The following TSPAN18 variants were observed in gnomAD, a reference collection of about 807,000 sequenced individuals.
TSPAN18 encodes tetraspanin 18.
A neutral mutation model predicts 27.3 loss-of-function variants in TSPAN18; 14 were observed. The observed-to-expected ratio is 0.51, with a 90% CI of 0.34 to 0.80. The LOEUF (loss-of-function observed/expected upper bound fraction) is 0.80. Among genes scored for constraint, TSPAN18 ranks in the 30% least tolerant of loss-of-function variants. The pLI, the probability that TSPAN18 is intolerant of heterozygous loss-of-function variation, is 0.01. For missense variants in TSPAN18, 268 were observed against 323.9 expected (o/e 0.83, Z 1.32); for synonymous variants, 143 against 136.5 (o/e 1.05, Z -0.33).
At position 44,922,644 on chromosome 11, in the gene TSPAN18, G is replaced by A. The variant is rs114939233; in HGVS notation, c.615+2645G>A. Reference sequence around the variant, plus strand: ...AGAAAGGACAGCAGGTAAGACCAGGGTGATGGCGGTAAAGACAGAGAGGTG... The same window carrying A: ...AGAAAGGACAGCAGGTAAGACCAGGATGATGGCGGTAAAGACAGAGAGGTG... On this transcript the variant is annotated intron_variant, in intron 8 of 9. Transcript: ENST00000520358. 8.0e-3 allele frequency among the ~76,000 whole-genome samples: 1,221 copies of A among 152,310 alleles called. 23 individuals are homozygous for A. Among genetic ancestry groups the A allele is most frequent in the African/African-American group, 0.028 (1,146 of 41,558 alleles).
intron 3 of TSPAN18, among the ~76,000 whole-genome samples, chr11:44,864,897 A>G (rs1354462954): frequency 6.6e-6 from 1 of 152,174 alleles, no homozygotes; most frequent in Non-Finnish European, 1.5e-5. Flanking sequence ...CCTTGTGGGT[A>G]TCTCACCCTC....
chr11:44,781,015 G>A (rs922104966), intron 2 of TSPAN18, among the ~76,000 whole-genome samples: 1 of 152,204 alleles, frequency 6.6e-6, no homozygotes, highest in African/African-American at 2.4e-5. Flanking sequence ...AAGAGAAAGC[G>A]GTTGCGAAAG....
At position 44,926,752 on chromosome 11, in the gene TSPAN18, A is replaced by G; in HGVS notation, c.694A>G (p.Ile232Val). The change falls in exon 9 of 10, where the codon ATC becomes GTC. Residue 232 changes from isoleucine (I) to valine (V), a missense_variant. Ile to Val is a conservative substitution (Grantham distance 29). Transcript: ENST00000520358. ...AGALAIGVLA[I>V]ELFAMIFAMC... ...AGCCCTTGCCATCGGGGTACTGGCC[A>G]TCGAGGTAAGTAAAGGCCCCCACTT... 6.2e-7 allele frequency: 1 copy of G among 1,614,128 alleles called. No homozygotes were observed. Among genetic ancestry groups the G allele is most frequent in the Non-Finnish European group, 8.5e-7 (1 of 1,179,980 alleles).
At chr11:44,912,583 GC>G (rs1470067282) in intron 5 of TSPAN18, among the ~76,000 whole-genome samples, 5 of 152,236 alleles carry the variant, frequency 3.3e-5, no homozygotes, top group Admixed American at 6.5e-5. Context: ...AAAATTATAT[GC>G]AAAATGTTAT....
chr11:44,919,794 C>A (rs1237407938), intron 7 of TSPAN18, 23 bp from the exon 8 acceptor site: 1 of 1,613,514 alleles, frequency 6.2e-7, no homozygotes, highest in African/African-American at 1.3e-5. Flanking sequence ...CCCACCAGAA[C>A]CTTCTCTGGG....
At chr11:44,802,199 C>T (rs11605449) in intron 2 of TSPAN18, among the ~76,000 whole-genome samples, 2,440 of 151,868 alleles carry the variant, frequency 0.016, 27 homozygotes, top group Non-Finnish European at 0.026. Context: ...CAGTGGAATA[C>T]GGCAGCCCCT....
chr11:44,785,258 C>G (rs774565428), intron 2 of TSPAN18, among the ~76,000 whole-genome samples: 5 of 152,170 alleles, frequency 3.3e-5, no homozygotes, highest in Non-Finnish European at 5.9e-5. Context: ...TATGCTCTGC[C>G]TGAAGTCACC....
chr11:44,727,399 G>A (rs1854542253), intron 1 of TSPAN18, 112 bp downstream of exon 1: 1 of 152,226 alleles, frequency 6.6e-6, no homozygotes, highest in African/African-American at 2.4e-5. Flanking sequence ...GCGGGGAATT[G>A]GGGTGGAGTA....
chr11:44,791,319 G>A (rs1419121966), intron 2 of TSPAN18, among the ~76,000 whole-genome samples: 1 of 152,178 alleles, frequency 6.6e-6, no homozygotes, highest in African/African-American at 2.4e-5. Flanking sequence ...CACTTTGGGG[G>A]GTAGCCGGGG....
intron 3 of TSPAN18, among the ~76,000 whole-genome samples, chr11:44,873,240 C>A (rs568155701): frequency 6.6e-6 from 1 of 152,320 alleles, no homozygotes; most frequent in African/African-American, 2.4e-5. Flanking sequence ...TCGTGGCAAC[C>A]TGGGGGTTCC....
chr11:44,750,174 A>AT (rs1855178667), intron 1 of TSPAN18, among the ~76,000 whole-genome samples: 2 of 152,224 alleles, frequency 1.3e-5, no homozygotes, highest in South Asian at 4.1e-4. Flanking sequence ...AATTATTTTC[A>AT]TTAGCAGCAT....
intron 5 of TSPAN18, among the ~76,000 whole-genome samples, chr11:44,915,490 G>A (rs2135354519): frequency 6.6e-6 from 1 of 152,278 alleles, no homozygotes; most frequent in South Asian, 2.1e-4. Flanking sequence ...ACTGGTTGGG[G>A]AACTCTGCTC....
chr11:44,895,320 C>G (rs1170550030), intron 3 of TSPAN18, among the ~76,000 whole-genome samples: 1 of 152,212 alleles, frequency 6.6e-6, no homozygotes, highest in Non-Finnish European at 1.5e-5. Context: ...ATAATAATAG[C>G]TCCCATGGTA....
At chr11:44,921,766 A>G (rs1012270688) in intron 8 of TSPAN18, among the ~76,000 whole-genome samples, 7 of 152,160 alleles carry the variant, frequency 4.6e-5, no homozygotes, top group Non-Finnish European at 1.0e-4. Context: ...CCAACAGCCA[A>G]ACTTAGAACC....
Position 44,832,492 on chromosome 11 carries a change from T to A in TSPAN18, c.-152-27836T>A, listed in dbSNP as rs554116262. Among the ~76,000 whole-genome samples the A allele has an allele frequency of 2.4e-4, 36 of 152,292 alleles. 1 individual carries two copies. In the South Asian group the frequency reaches 7.3e-3, roughly 31 times the overall value. On this transcript the variant is annotated intron_variant, in intron 2 of 9. Coordinates refer to ENST00000520358, the MANE Select transcript of TSPAN18 (RefSeq NM_130783.5). ...CAATTCTCTACCCTAGACCCCCAAATTCCACCTTCCTCAGCTCCCAAAGAG... is the reference window on the plus strand; with the variant it reads ...CAATTCTCTACCCTAGACCCCCAAAATCCACCTTCCTCAGCTCCCAAAGAG...
intron 2 of TSPAN18, among the ~76,000 whole-genome samples, chr11:44,853,120 G>A (rs1857644436): frequency 6.6e-6 from 1 of 152,222 alleles, no homozygotes; most frequent in Non-Finnish European, 1.5e-5. Context: ...GCAATGGTGA[G>A]CTATAGAAGG....
At chr11:44,791,988 G>T (rs1333969495) in intron 2 of TSPAN18, among the ~76,000 whole-genome samples, 1 of 152,148 alleles carries the variant, frequency 6.6e-6, no homozygotes, top group African/African-American at 2.4e-5. Flanking sequence ...TGGATAGGGG[G>T]GTGCAGCAGT....
At chr11:44,866,427 C>G (rs1565183338) in intron 3 of TSPAN18, among the ~76,000 whole-genome samples, 1 of 152,192 alleles carries the variant, frequency 6.6e-6, no homozygotes, top group Non-Finnish European at 1.5e-5. Context: ...GGACTTGAGC[C>G]CACACAGGGG....
chr11:44,909,765 C>A lies in TSPAN18; in HGVS notation c.124C>A (p.Arg42=), dbSNP rs770764881. ...GGTCATGGTGGACCCCACCGGCTTC[C>A]GGGAGATCGTGGCTGCCAATCCTCT... ...IWVMVDPTGF[R]EIVAANPLLL... The change falls in exon 5 of 10, where the codon CGG becomes AGG. Residue 42 remains arginine, a synonymous_variant. Coordinates refer to ENST00000520358, the MANE Select transcript of TSPAN18 (RefSeq NM_130783.5). The A allele has an allele frequency of 6.2e-7, 1 of 1,613,822 alleles. No homozygotes were observed. Among genetic ancestry groups the A allele is most frequent in the African/African-American group, 1.3e-5 (1 of 75,046 alleles).
Sources: gnomAD v4.1 joint callset for allele counts (sites outside exome capture counted in the v4.1 genomes callset) on GRCh38, gnomAD v4.1.1 for gene constraint, MANE v1.5 for transcripts, NCBI Gene and HGNC (gene_info 2026-07-23, HGNC 2026-07-21) for gene names.